The following LUZP2 variants were observed in gnomAD, a reference collection of about 807,000 sequenced individuals.
The protein encoded by LUZP2 is leucine zipper protein 2.
Under a neutral mutation model 51.6 loss-of-function variants are expected in LUZP2, and 52 were observed. The ratio of observed to expected loss-of-function variants is 1.01; its 90% CI spans 0.81 to 1.27. The LOEUF (loss-of-function observed/expected upper bound fraction) is 1.27, where lower values mean the gene tolerates loss of function less well. Among genes scored for constraint, LUZP2 ranks in the 50% most tolerant of loss-of-function variants. The pLI is 0.00. For synonymous variants in LUZP2, 154 were observed against 137.3 expected (o/e 1.12, Z -0.85); for missense variants, 436 against 395.4 (o/e 1.10, Z -0.87).
chr11:24,674,487 G>A (rs1420269108), intron 1 of LUZP2, among the ~76,000 whole-genome samples: 1 of 152,086 alleles, frequency 6.6e-6, no homozygotes, highest in South Asian at 2.1e-4. Flanking sequence ...ACAAAAATAA[G>A]GTGAAGGAAA....
chr11:24,694,671 C>G lies in LUZP2; in HGVS notation c.63-34498C>G, dbSNP rs536663085. Reference sequence around the variant, plus strand: ...CGGTAGCAAAGACTTAGAACTAACCCCAATGCCCATCAGTGATAAACTGAA... The same window carrying G: ...CGGTAGCAAAGACTTAGAACTAACCGCAATGCCCATCAGTGATAAACTGAA... On this transcript the variant is annotated intron_variant, in intron 1 of 11. Transcript: ENST00000336930. 1.1e-4 allele frequency among the ~76,000 whole-genome samples: 16 copies of G among 152,110 alleles called. No homozygotes were observed. In the East Asian group the frequency reaches 3.1e-3, roughly 29 times the overall value.
chr11:25,065,433 T>G (rs781087357), intron 10 of LUZP2, among the ~76,000 whole-genome samples: 1 of 152,102 alleles, frequency 6.6e-6, no homozygotes, highest in Non-Finnish European at 1.5e-5. Flanking sequence ...TATGTCCTTA[T>G]TTATTCCTTA....
intron 1 of LUZP2, among the ~76,000 whole-genome samples, chr11:24,595,774 C>G (rs1346746621): frequency 4.6e-5 from 7 of 152,114 alleles, no homozygotes. Context: ...GAAGAGATGG[C>G]AAGTGAGACT....
At chr11:24,854,312 C>T (rs1851485239) in intron 5 of LUZP2, among the ~76,000 whole-genome samples, 2 of 152,216 alleles carry the variant, frequency 1.3e-5, no homozygotes, top group Non-Finnish European at 2.9e-5. Context: ...TTCAGTGATG[C>T]CCTGGCCCAG....
chr11:24,976,709 A>G (rs1280437202), intron 8 of LUZP2, 44 bp downstream of exon 8: 3 of 12,870 alleles, frequency 2.3e-4, no homozygotes, highest in Middle Eastern at 0.026. Context: ...GTTTTAGCAA[A>G]AAAAAAAAAA....
At chr11:25,044,960 C>CA (rs1858248660) in intron 9 of LUZP2, among the ~76,000 whole-genome samples, 1 of 147,878 alleles carries the variant, frequency 6.8e-6, no homozygotes. Context: ...ATCGCAAGGA[C>CA]AAAAAACCAA....
chr11:25,051,462 G>T (rs959461777), intron 10 of LUZP2, among the ~76,000 whole-genome samples: 2 of 152,196 alleles, frequency 1.3e-5, no homozygotes, highest in Non-Finnish European at 2.9e-5. Context: ...TTCCAAAGGA[G>T]GAGAGAGTCA....
chr11:24,955,733 C>T (rs1481598637), intron 7 of LUZP2, among the ~76,000 whole-genome samples: 1 of 151,916 alleles, frequency 6.6e-6, no homozygotes, highest in Admixed American at 6.6e-5. Flanking sequence ...TTATTATCGG[C>T]GTACCTTGGG....
chr11:24,862,397 A>G (rs1851767187), intron 5 of LUZP2, among the ~76,000 whole-genome samples: 1 of 152,212 alleles, frequency 6.6e-6, no homozygotes, highest in Non-Finnish European at 1.5e-5. Context: ...TCCTGAAGGA[A>G]GCACTTAATA....
chr11:24,504,225 T>C (rs117246045), intron 1 of LUZP2, among the ~76,000 whole-genome samples: 169 of 152,314 alleles, frequency 1.1e-3, no homozygotes, highest in Non-Finnish European at 1.8e-3. Flanking sequence ...ACTTGATAAA[T>C]CTGTGCTGAA....
intron 7 of LUZP2, among the ~76,000 whole-genome samples, chr11:24,916,304 A>G (rs541190756): frequency 5.3e-5 from 8 of 151,992 alleles, no homozygotes; most frequent in Admixed American, 5.3e-4. Flanking sequence ...CCTAATCTCC[A>G]TTTTAGTGCT....
At chr11:25,055,288 C>A (rs1428608541) in intron 10 of LUZP2, among the ~76,000 whole-genome samples, 1 of 152,046 alleles carries the variant, frequency 6.6e-6, no homozygotes, top group African/African-American at 2.4e-5. Context: ...GGATTACAGG[C>A]GTAAGCCACT....
chr11:24,556,486 G>T (rs1851872705), intron 1 of LUZP2, among the ~76,000 whole-genome samples: 1 of 152,076 alleles, frequency 6.6e-6, no homozygotes, highest in Non-Finnish European at 1.5e-5. Flanking sequence ...TTTAGAAAAA[G>T]GAGAAACTGT....
intron 9 of LUZP2, among the ~76,000 whole-genome samples, chr11:25,015,646 A>G (rs1857127003): frequency 6.6e-6 from 1 of 152,126 alleles, no homozygotes; most frequent in South Asian, 2.1e-4. Flanking sequence ...ATTTTTGTAA[A>G]TAACACGACA....
chr11:24,581,885 C>T (rs1042485554), intron 1 of LUZP2, among the ~76,000 whole-genome samples: 1 of 151,998 alleles, frequency 6.6e-6, no homozygotes, highest in African/African-American at 2.4e-5. Context: ...AATTGATTCA[C>T]GTTCCCTGAT....
intron 7 of LUZP2, among the ~76,000 whole-genome samples, chr11:24,944,656 C>T (rs1854851557): frequency 6.6e-6 from 1 of 152,072 alleles, no homozygotes; most frequent in African/African-American, 2.4e-5. Flanking sequence ...GGAGAAGTAG[C>T]AATGCAGTTG....
intron 5 of LUZP2, among the ~76,000 whole-genome samples, chr11:24,841,242 C>T (rs997296972): frequency 2.6e-5 from 4 of 152,006 alleles, no homozygotes; most frequent in African/African-American, 9.7e-5. Flanking sequence ...AGACAAAAAA[C>T]TCTTTTGCTT....
At chr11:24,877,952 G>A (rs549196008) in intron 5 of LUZP2, among the ~76,000 whole-genome samples, 1 of 152,070 alleles carries the variant, frequency 6.6e-6, no homozygotes, top group Non-Finnish European at 1.5e-5. Flanking sequence ...TATTTTTTAC[G>A]GCTAAACAGT....
At chr11:24,744,617 G>T (rs556624928) in intron 4 of LUZP2, among the ~76,000 whole-genome samples, 3 of 151,844 alleles carry the variant, frequency 2.0e-5, no homozygotes, top group African/African-American at 7.2e-5. Flanking sequence ...TTGGTTAATC[G>T]TGCTAATATT....
Sources: gnomAD v4.1 joint callset for allele counts (sites outside exome capture counted in the v4.1 genomes callset) on GRCh38, gnomAD v4.1.1 for gene constraint, MANE v1.5 for transcripts, NCBI Gene and HGNC (gene_info 2026-07-23, HGNC 2026-07-21) for gene names.